Variants in RIMKLB observed in about 807,000 individuals in gnomAD.
RIMKLB encodes the protein ribosomal modification protein rimK like family member B.
RIMKLB carries 7 observed loss-of-function variants against 32.0 expected under a neutral mutation model. That is an observed-to-expected ratio of 0.22 (90% CI 0.12 to 0.41). The LOEUF (loss-of-function observed/expected upper bound fraction) is 0.41. Among genes scored for constraint, RIMKLB ranks in the 10% least tolerant of loss-of-function variants. The pLI is 1.00. For synonymous variants in RIMKLB, 172 were observed against 185.1 expected (o/e 0.93, Z 0.57); for missense variants, 289 against 498.7 (o/e 0.58, Z 4.00).
chr12:8,753,919 C>T lies in RIMKLB; in HGVS notation c.523C>T (p.His175Tyr). ...GKAVFLARDK[H>Y]HLADLSHLIR... ...AGCTGTTTTCTTGGCTCGAGATAAG[C>T]ACCATTTGGCTGATCTAAGCCATCT... Residue 175 changes from histidine to tyrosine, a missense_variant, in exon 5 of 6, where the codon CAC becomes TAC. His to Tyr is a moderately conservative substitution (Grantham distance 83). This residue lies in a region of RIMKLB where 156 missense variants were observed against 329.5 expected (regional missense o/e 0.47). Coordinates refer to ENST00000535829, the MANE Select transcript of RIMKLB (RefSeq NM_001297776.2). The T allele has an allele frequency of 1.9e-6, 3 of 1,613,848 alleles. No individual in the cohort carries two copies. Among genetic ancestry groups the T allele is most frequent in the Middle Eastern group, 1.7e-4 (1 of 6,056 alleles).
intron 2 of RIMKLB, among the ~76,000 whole-genome samples, chr12:8,746,714 T>C (rs1463099765): frequency 6.6e-6 from 1 of 152,026 alleles, no homozygotes; most frequent in African/African-American, 2.4e-5. Context: ...TACCTACCCA[T>C]GGGTGCTCCT....
At chr12:8,738,623 A>G (rs1442282776) in intron 2 of RIMKLB, among the ~76,000 whole-genome samples, 1 of 152,188 alleles carries the variant, frequency 6.6e-6, no homozygotes, top group African/African-American at 2.4e-5. Flanking sequence ...CACACACACA[A>G]CACGATTGCA....
intron 1 of RIMKLB, among the ~76,000 whole-genome samples, chr12:8,684,300 G>A (rs1292088358): frequency 1.3e-5 from 2 of 151,304 alleles, no homozygotes; most frequent in African/African-American, 4.9e-5. Context: ...AGCCTCCCGA[G>A]TAACTGTGAC....
At chr12:8,716,996 A>T (rs1157819771) in intron 2 of RIMKLB, among the ~76,000 whole-genome samples, 2 of 147,626 alleles carry the variant, frequency 1.4e-5, no homozygotes, top group Admixed American at 6.7e-5. Flanking sequence ...TAATTTAAAA[A>T]TTTTTCAGAC....
At chr12:8,719,408 G>A (rs965846843) in intron 2 of RIMKLB, among the ~76,000 whole-genome samples, 7 of 151,874 alleles carry the variant, frequency 4.6e-5, no homozygotes, top group Admixed American at 2.0e-4. Context: ...CGCTCTTGTC[G>A]CCCAGGCTAG....
chr12:8,768,934 TTCTA>T (rs1030036626), intron 5 of RIMKLB, among the ~76,000 whole-genome samples: 7 of 152,212 alleles, frequency 4.6e-5, no homozygotes, highest in African/African-American at 7.2e-5. Flanking sequence ...TTTTAAAAAA[TTCTA>T]TCTTTCTGTT....
intron 2 of RIMKLB, among the ~76,000 whole-genome samples, chr12:8,743,354 C>CAAAAAAAAAAAAAAAAAA (rs60066068): frequency 1.5e-5 from 1 of 65,188 alleles, no homozygotes; most frequent in African/African-American, 5.7e-5. Context: ...GAGTCTGTCT[C>CAAAAAAAAAAAAAAAAAA]AAAAAAAAAA....
At chr12:8,744,271 T>C (rs1432384612) in intron 2 of RIMKLB, among the ~76,000 whole-genome samples, 3 of 151,920 alleles carry the variant, frequency 2.0e-5, no homozygotes, top group Non-Finnish European at 2.9e-5. Flanking sequence ...ATCAGGTATT[T>C]GTTACAGGAG....
chr12:8,692,997 A>T (rs1051882397), upstream of RIMKLB, among the ~76,000 whole-genome samples: 11 of 152,346 alleles, frequency 7.2e-5, no homozygotes, highest in African/African-American at 2.6e-4. Flanking sequence ...GATGATAACT[A>T]TCTCAAAGAT....
At position 8,775,836 on chromosome 12, in the gene RIMKLB, T is replaced by C. The variant is rs915180439; in HGVS notation, c.*2052T>C. On this transcript the variant is annotated 3_prime_UTR_variant, in exon 6 of 6. Coordinates refer to ENST00000535829, the MANE Select transcript of RIMKLB (RefSeq NM_001297776.2). ...GAGTTTGTAATTTATCTTAGGATAT[T>C]CTAATTGCATTTAAAAGAACTTATC... is the stretch of plus-strand genomic sequence containing the variant. 1.1e-5 allele frequency: 11 copies of C among 984,816 alleles called. No homozygotes were observed. The African/African-American group carries it at 1.9e-4, about 17-fold the overall frequency. The allele number at this position is 984,816 out of a possible 1,614,324, so 61.0% of individuals were successfully genotyped here. A position where few individuals can be genotyped will look rare whatever the true frequency, so the allele number is the denominator to read the frequency against.
chr12:8,773,759 A>G lies in RIMKLB; in HGVS notation c.1136A>G (p.Asn379Ser), dbSNP rs371604377. The G allele has an allele frequency of 3.0e-5, 49 of 1,613,312 alleles. No individual in the cohort carries two copies. The African/African-American group carries it at 3.9e-4, about 13-fold the overall frequency. ...GLFNMNQLLA[N>S]EIKLLVD Reference sequence around the variant, plus strand: ...TTCAACATGAACCAGCTGCTAGCCAATGAAATCAAACTACTGGTGGACTGA... The same window carrying G: ...TTCAACATGAACCAGCTGCTAGCCAGTGAAATCAAACTACTGGTGGACTGA... The change falls in exon 6 of 6, where the codon AAT (asparagine) becomes AGT (serine). Residue 379 changes from asparagine to serine, a missense_variant. Transcript: ENST00000535829.
chr12:8,752,848 C>G (rs1449078882), intron 4 of RIMKLB, among the ~76,000 whole-genome samples: 1 of 151,748 alleles, frequency 6.6e-6, no homozygotes, highest in Non-Finnish European at 1.5e-5. Flanking sequence ...TCAAGCGATT[C>G]TCCTGCCTCA....
At chr12:8,699,460 G>A (rs2136663710) in intron 1 of RIMKLB, among the ~76,000 whole-genome samples, 1 of 152,154 alleles carries the variant, frequency 6.6e-6, no homozygotes, top group African/African-American at 2.4e-5. Context: ...TATTCATTTG[G>A]AATAAAACAC....
At chr12:8,704,671 G>A (rs756586981) in intron 1 of RIMKLB, among the ~76,000 whole-genome samples, 15 of 152,200 alleles carry the variant, frequency 9.9e-5, no homozygotes, top group African/African-American at 3.4e-4. Flanking sequence ...TCATTCTTCC[G>A]GAGGATGTGT....
intron 1 of RIMKLB, among the ~76,000 whole-genome samples, chr12:8,710,152 AT>A (rs769890560): frequency 7.6e-4 from 108 of 141,256 alleles, no homozygotes; most frequent in Non-Finnish European, 7.2e-4. Context: ...ACACCCGGCT[AT>A]TTTTTTTTTT....
rs565248992 is a variant in RIMKLB, at chr12:8,753,886, A to C, written c.494-4A>C. 6.2e-6 allele frequency: 10 copies of C among 1,612,198 alleles called. No individual in the cohort carries two copies. The African/African-American group carries it at 1.2e-4, about 19-fold the overall frequency. On this transcript the variant is annotated splice_polypyrimidine_tract_variant and splice_region_variant and intron_variant, in intron 4 of 5. Coordinates refer to ENST00000535829, the MANE Select transcript of RIMKLB (RefSeq NM_001297776.2). ...ACATGTATTTTTATTCTTTTCAATC[A>C]TAGGTAAAGCTGTTTTCTTGGCTCG...
chr12:8,702,268 A>G (rs535997992), intron 1 of RIMKLB, among the ~76,000 whole-genome samples: 2 of 152,142 alleles, frequency 1.3e-5, no homozygotes, highest in Admixed American at 6.5e-5. Context: ...TTATCTGTCT[A>G]TCAGTTATCC....
At chr12:8,780,403 GTT>G (rs1950963627), downstream of RIMKLB, 1 of 152,144 alleles carries the variant, frequency 6.6e-6, no homozygotes, top group Non-Finnish European at 1.5e-5. Context: ...ATCATACAGT[GTT>G]TGATTTTATG....
downstream of RIMKLB, among the ~76,000 whole-genome samples, chr12:8,778,636 T>C (rs1950870479): frequency 6.6e-6 from 1 of 152,216 alleles, no homozygotes; most frequent in Admixed American, 6.5e-5. Flanking sequence ...TAAACTATCC[T>C]CTCCTCCGTC....
Sources: gnomAD v4.1 joint callset for allele counts (sites outside exome capture counted in the v4.1 genomes callset) on GRCh38, gnomAD v4.1.1 for gene constraint, gnomAD v4.1.1 regional missense constraint, MANE v1.5 for transcripts, NCBI Gene and HGNC (gene_info 2026-07-23, HGNC 2026-07-21) for gene names.